Variants in GGTA1 observed in about 807,000 individuals in gnomAD.
The protein encoded by GGTA1 is inactive N-acetyllactosaminide alpha-1,3-galactosyltransferase.
Under a neutral mutation model 2.6 loss-of-function variants are expected in GGTA1, and 5 were observed. That is an observed-to-expected ratio of 1.92 (90% CI 1.00 to 4.04). The LOEUF (loss-of-function observed/expected upper bound fraction) is 4.04. Among genes scored for constraint, GGTA1 ranks in the 30% most tolerant of loss-of-function variants. The pLI is 0.00. For synonymous variants in GGTA1, 17 were observed against 5.0 expected (o/e 3.38, Z -3.19); for missense variants, 50 against 16.7 (o/e 2.99, Z -3.47).
At chr9:121,461,424 C>A (rs1023731) in intron 3 of GGTA1, 107 bp from the exon 4 acceptor site, 116,038 of 386,100 alleles carry the variant, frequency 0.3, 18,312 homozygotes, top group Middle Eastern at 0.38. Context: ...AAATAAAAAA[C>A]CTTAAAATGC....
At chr9:121,466,676 G>GTAATCC (rs1317991187) in intron 2 of GGTA1, among the ~76,000 whole-genome samples, 13 of 152,188 alleles carry the variant, frequency 8.5e-5, no homozygotes, top group Non-Finnish European at 1.8e-4. Context: ...AAAGAGGCCG[G>GTAATCC]GCATGGTGGC....
At chr9:121,445,981 C>G (rs915326030) in exon 8 of GGTA1, 5 of 152,240 alleles carry the variant, frequency 3.3e-5, no homozygotes, top group African/African-American at 1.2e-4. Flanking sequence ...ACACCATCCA[C>G]ATCTCTTTAC....
chr9:121,459,168 A>G (rs2064938829), intron 5 of GGTA1, among the ~76,000 whole-genome samples: 1 of 152,112 alleles, frequency 6.6e-6, no homozygotes. Context: ...GATAGATGCT[A>G]TTTTCAGGCT....
intron 5 of GGTA1, among the ~76,000 whole-genome samples, chr9:121,457,378 G>T (rs1019332289): frequency 6.6e-6 from 1 of 152,174 alleles, no homozygotes; most frequent in African/African-American, 2.4e-5. Context: ...GGTACCTAAT[G>T]CCATGAAAAT....
downstream of GGTA1, among the ~76,000 whole-genome samples, chr9:121,454,558 G>A (rs933205644): frequency 4.6e-5 from 7 of 152,196 alleles, no homozygotes; most frequent in Non-Finnish European, 1.0e-4. Flanking sequence ...ACAGCTGGTA[G>A]GGGTTAAAGC....
chr9:121,470,023 C>A (rs539192609), intron 1 of GGTA1, among the ~76,000 whole-genome samples: 2 of 152,208 alleles, frequency 1.3e-5, no homozygotes, highest in Admixed American at 6.5e-5. Flanking sequence ...TCCTGACCAC[C>A]CTTGTGTCTT....
At chr9:121,473,821 GTAGGAGGAT>G (rs1436369638) in intron 1 of GGTA1, among the ~76,000 whole-genome samples, 1 of 152,014 alleles carries the variant, frequency 6.6e-6, no homozygotes, top group Non-Finnish European at 1.5e-5. Flanking sequence ...GGAAGCTGAG[GTAGGAGGAT>G]CACTAGAGCT....
At chr9:121,474,798 G>A (rs1828469368) in intron 1 of GGTA1, among the ~76,000 whole-genome samples, 1 of 152,138 alleles carries the variant, frequency 6.6e-6, no homozygotes, top group African/African-American at 2.4e-5. Flanking sequence ...AATCCGGCAG[G>A]GTGAAAGTGG....
downstream of GGTA1, among the ~76,000 whole-genome samples, chr9:121,453,361 C>A (rs2064888094): frequency 6.6e-6 from 1 of 152,122 alleles, no homozygotes; most frequent in Admixed American, 6.5e-5. Flanking sequence ...TTGGCAAGGC[C>A]AAAGCAAAAC....
intron 1 of GGTA1, 124 bp from the exon 2 acceptor site, chr9:121,468,055 G>A (rs2065017448): frequency 2.6e-6 from 1 of 382,566 alleles, no homozygotes; most frequent in Non-Finnish European, 5.1e-6. Context: ...TTTAAGTTCT[G>A]GGATACATGT....
intron 1 of GGTA1, among the ~76,000 whole-genome samples, chr9:121,486,357 G>A (rs1315260742): frequency 2.6e-5 from 4 of 152,194 alleles, no homozygotes; most frequent in South Asian, 2.1e-4. Context: ...TAGGAGGTCC[G>A]CAGTGCACAA....
At chr9:121,480,061 C>CTTTTTTTTTCTTTT (rs1828608506) in intron 1 of GGTA1, among the ~76,000 whole-genome samples, 2 of 139,826 alleles carry the variant, frequency 1.4e-5, no homozygotes, top group South Asian at 2.2e-4. Flanking sequence ...CTTTTCTTTT[C>CTTTTTTTTTCTTTT]TTTTTTTTTT....
intron 1 of GGTA1, among the ~76,000 whole-genome samples, chr9:121,478,525 A>C (rs1307069065): frequency 6.6e-6 from 1 of 152,194 alleles, no homozygotes; most frequent in Non-Finnish European, 1.5e-5. Context: ...AAGGAGGAAG[A>C]GTGCCTTATT....
intron 2 of GGTA1, among the ~76,000 whole-genome samples, chr9:121,465,308 C>G (rs575029462): frequency 6.6e-6 from 1 of 152,250 alleles, no homozygotes; most frequent in Non-Finnish European, 1.5e-5. Context: ...GCAGACATTC[C>G]GACTCCAGGC....
At chr9:121,459,325 C>T (rs1235851971) in intron 5 of GGTA1, among the ~76,000 whole-genome samples, 2 of 152,140 alleles carry the variant, frequency 1.3e-5, no homozygotes, top group South Asian at 2.1e-4. Flanking sequence ...GCCGTGGTGG[C>T]GCACACCAAG....
Position 121,498,894 on chromosome 9 carries a change from G to GTT in GGTA1, c.-10+754_-10+755dup, listed in dbSNP as rs142008912. On this transcript the variant is annotated intron_variant, in intron 1 of 5. Transcript: ENST00000481799. ...ACATTTTTTTCTTCTTCTTTTTACT[G>GTT]TTTTTTTTTTTTTTACTTTCTTCAA... Among the ~76,000 whole-genome samples the GTT allele has an allele frequency of 6.3e-3, 901 of 142,902 alleles. 2 individuals are homozygous for GTT. The highest frequency in any genetic ancestry group is 0.015 in the Middle Eastern group (4 of 274). The allele number at this position is 142,902 out of a possible 152,430, so 93.7% of individuals were successfully genotyped here. A position where few individuals can be genotyped will look rare whatever the true frequency, so the allele number is the denominator to read the frequency against.
rs748806233 is a variant in GGTA1, at chr9:121,460,160, G to A, written c.242C>T (p.Thr81Ile). The A allele has an allele frequency of 8.3e-5, 38 of 456,762 alleles. No individual in the cohort carries two copies. Among genetic ancestry groups the A allele is most frequent in the Admixed American group, 1.6e-4 (7 of 42,542 alleles). The allele number at this position is 456,762 out of a possible 1,614,324, so 28.3% of individuals were successfully genotyped here. A position where few individuals can be genotyped will look rare whatever the true frequency, so the allele number is the denominator to read the frequency against. Residue 81 changes from threonine (T) to isoleucine (I), a missense_variant, in exon 5 of 6, where the codon ACC (threonine) becomes ATC (isoleucine). Transcript: ENST00000481799. Reference sequence around the variant, plus strand: ...CTGTTGTGTCATTTTCCTTCCTTTGGTCTCCTCTCTTCCTTTTTCTTTGTC... The same window carrying A: ...CTGTTGTGTCATTTTCCTTCCTTTGATCTCCTCTCTTCCTTTTTCTTTGTC... Reference protein sequence around the residue: ...DIDKEKGREETKGRKMTQQSF... With the variant: ...DIDKEKGREEIKGRKMTQQSF...
intron 1 of GGTA1, among the ~76,000 whole-genome samples, chr9:121,484,531 G>A (rs907738650): frequency 1.3e-5 from 2 of 152,274 alleles, no homozygotes; most frequent in African/African-American, 4.8e-5. Flanking sequence ...TGATCCACCT[G>A]CCTCAGCCTC....
At chr9:121,485,940 C>A (rs1828746421) in intron 1 of GGTA1, among the ~76,000 whole-genome samples, 1 of 152,194 alleles carries the variant, frequency 6.6e-6, no homozygotes, top group Non-Finnish European at 1.5e-5. Flanking sequence ...AACAACACCA[C>A]CACCACCAAA....
Sources: gnomAD v4.1 joint callset for allele counts (sites outside exome capture counted in the v4.1 genomes callset) on GRCh38, gnomAD v4.1.1 for gene constraint, MANE v1.5 for transcripts, NCBI Gene and HGNC (gene_info 2026-07-23, HGNC 2026-07-21) for gene names.